Variants in HDAC9 observed in about 807,000 individuals in gnomAD.
HDAC9 encodes histone deacetylase 9, also known as MEF-2 interacting transcription repressor (MITR) protein.
Under a neutral mutation model 139.4 loss-of-function variants are expected in HDAC9, and 41 were observed. That is an observed-to-expected ratio of 0.29 (90% CI 0.23 to 0.38). The LOEUF (loss-of-function observed/expected upper bound fraction) is 0.38, where lower values mean the gene tolerates loss of function less well. Ranked by LOEUF, HDAC9 falls within the 10% of genes least tolerant of loss-of-function variation. HDAC9 has a pLI of 1.00. For synonymous variants in HDAC9, 517 were observed against 476.2 expected (o/e 1.09, Z -1.12); for missense variants, 1,147 against 1,297.0 (o/e 0.88, Z 1.78).
chr7:18,590,190 G>A (rs1404937517), intron 3 of HDAC9, 146 bp from the exon 4 acceptor site: 2 of 859,658 alleles, frequency 2.3e-6, no homozygotes, highest in East Asian at 2.7e-5. Flanking sequence ...CTTGTCCTTA[G>A]ATTTCAATGA....
At chr7:18,759,362 G>GAACA (rs1206019373) in intron 14 of HDAC9, among the ~76,000 whole-genome samples, 1 of 152,062 alleles carries the variant, frequency 6.6e-6, no homozygotes, top group Non-Finnish European at 1.5e-5. Flanking sequence ...TACCGTCTGA[G>GAACA]AACAGCAGCG....
At chr7:18,944,997 G>A (rs1269590756) in intron 23 of HDAC9, among the ~76,000 whole-genome samples, 1 of 152,134 alleles carries the variant, frequency 6.6e-6, no homozygotes, top group Non-Finnish European at 1.5e-5. Context: ...TGTATCTAAT[G>A]TTGTGATGGA....
At chr7:18,944,713 T>G (rs1782253622) in intron 23 of HDAC9, among the ~76,000 whole-genome samples, 1 of 152,124 alleles carries the variant, frequency 6.6e-6, no homozygotes, top group Non-Finnish European at 1.5e-5. Flanking sequence ...TTCTAACTAG[T>G]ATCCCCTTTC....
chr7:18,550,613 C>A (rs1816802381), intron 2 of HDAC9, among the ~76,000 whole-genome samples: 1 of 152,136 alleles, frequency 6.6e-6, no homozygotes, highest in African/African-American at 2.4e-5. Context: ...GGGAAAGTTA[C>A]AATTTTCAAA....
intron 12 of HDAC9, among the ~76,000 whole-genome samples, chr7:18,692,602 T>C (rs960900750): frequency 3.3e-5 from 5 of 152,226 alleles, no homozygotes; most frequent in African/African-American, 1.2e-4. Context: ...AGACTAAGTT[T>C]GGGGTTTCTT....
At chr7:18,933,208 GCATGGTCAGGTT>G (rs751377014) in intron 22 of HDAC9, among the ~76,000 whole-genome samples, 1 of 152,172 alleles carries the variant, frequency 6.6e-6, no homozygotes, top group Non-Finnish European at 1.5e-5. Flanking sequence ...CAGCTTGCCA[GCATGGTCAGGTT>G]CTGGTCAGGG....
intron 2 of HDAC9, among the ~76,000 whole-genome samples, chr7:18,242,346 A>G (rs1003554608): frequency 3.3e-5 from 5 of 152,190 alleles, no homozygotes; most frequent in Non-Finnish European, 5.9e-5. Flanking sequence ...AGAATTTTGT[A>G]AGGTTGTAAG....
At chr7:18,121,992 A>T (rs1284800235) in intron 1 of HDAC9, among the ~76,000 whole-genome samples, 5 of 151,938 alleles carry the variant, frequency 3.3e-5, no homozygotes, top group Admixed American at 2.6e-4. Flanking sequence ...TCAACCTTTT[A>T]TGAAATGAAG....
intron 2 of HDAC9, among the ~76,000 whole-genome samples, chr7:18,231,465 A>G (rs1723674056): frequency 6.6e-6 from 1 of 152,242 alleles, no homozygotes; most frequent in African/African-American, 2.4e-5. Context: ...TGAGTCAGCT[A>G]GATAGGCTTA....
chr7:18,394,491 C>T lies in HDAC9; in HGVS notation c.-41-101771C>T, dbSNP rs541125151. On this transcript the variant is annotated intron_variant, in intron 1 of 3. Transcript: ENST00000413509. ...CTGAATTTTGACTCTTAAACAGAAT[C>T]CCCTGTGGAGTTCTTAAAAAGTACA... Among the ~76,000 whole-genome samples the T allele has an allele frequency of 3.3e-5, 5 of 152,200 alleles. No individual in the cohort carries two copies. In the South Asian group the frequency reaches 1.0e-3, roughly 32 times the overall value.
intron 2 of HDAC9, among the ~76,000 whole-genome samples, chr7:18,544,467 T>C (rs1411020473): frequency 1.3e-5 from 2 of 152,132 alleles, no homozygotes; most frequent in Admixed American, 1.3e-4. Flanking sequence ...AGGGACAGTG[T>C]TTAGGAAAAG....
At chr7:18,952,860 AC>A (rs981722216) in intron 23 of HDAC9, among the ~76,000 whole-genome samples, 14 of 151,500 alleles carry the variant, frequency 9.2e-5, no homozygotes, top group Non-Finnish European at 1.5e-5. Context: ...TTGCAAATAA[AC>A]CTTTTGATGT....
At chr7:18,791,550 G>T (rs560562111) in intron 16 of HDAC9, among the ~76,000 whole-genome samples, 1 of 152,138 alleles carries the variant, frequency 6.6e-6, no homozygotes, top group African/African-American at 2.4e-5. Flanking sequence ...CAAATGATTA[G>T]GTCTCAGTGT....
chr7:18,541,141 GTTTTTTTTTTTT>G (rs10678670), intron 2 of HDAC9, among the ~76,000 whole-genome samples: 9 of 65,452 alleles, frequency 1.4e-4, no homozygotes, highest in African/African-American at 2.7e-4. Context: ...AAGGAACCGT[GTTTTTTTTTTTT>G]TTTTTTTTTT....
intron 2 of HDAC9, among the ~76,000 whole-genome samples, chr7:18,556,602 T>C (rs1818894873): frequency 1.3e-5 from 2 of 151,638 alleles, no homozygotes; most frequent in Admixed American, 1.3e-4. Context: ...AATTTCTGTC[T>C]CAATCCAGTG....
intron 2 of HDAC9, among the ~76,000 whole-genome samples, chr7:18,546,132 C>G (rs1259862521): frequency 6.6e-6 from 1 of 152,188 alleles, no homozygotes; most frequent in Non-Finnish European, 1.5e-5. Context: ...TTTTGCCAAG[C>G]ACTACATGCC....
chr7:18,160,164 T>G (rs938547866), intron 1 of HDAC9, among the ~76,000 whole-genome samples: 7 of 152,202 alleles, frequency 4.6e-5, no homozygotes, highest in African/African-American at 1.7e-4. Context: ...TGAAAAAGAT[T>G]TTTTAAAAAT....
At chr7:18,502,383 G>A (rs1409111303) in intron 2 of HDAC9, 1 of 152,138 alleles carries the variant, frequency 6.6e-6, no homozygotes, top group Admixed American at 6.6e-5. Context: ...AGCTGGGAAG[G>A]CAGGATACCT....
chr7:18,733,377 G>A (rs1158196330), intron 13 of HDAC9, among the ~76,000 whole-genome samples: 3 of 150,274 alleles, frequency 2.0e-5, no homozygotes, highest in Non-Finnish European at 4.4e-5. Context: ...GCCTTCTAGA[G>A]TAGCTTCTGT....
Sources: gnomAD v4.1 joint callset for allele counts (sites outside exome capture counted in the v4.1 genomes callset) on GRCh38, gnomAD v4.1.1 for gene constraint, MANE v1.5 for transcripts, NCBI Gene and HGNC (gene_info 2026-07-23, HGNC 2026-07-21) for gene names.